MBD5: variants seen among roughly 807,000 people sequenced by gnomAD.
MBD5 encodes methyl-CpG-binding domain protein 5.
Under a neutral mutation model 117.3 loss-of-function variants are expected in MBD5, and 13 were observed. The observed-to-expected ratio is 0.11, with a 90% confidence interval of 0.07 to 0.18. The LOEUF is 0.18. Among genes scored for constraint, MBD5 ranks in the 10% least tolerant of loss-of-function variants. MBD5 has a pLI of 1.00. For missense variants in MBD5, 1,879 were observed against 2,093.8 expected (o/e 0.90, Z 2.00); for synonymous variants, 727 against 766.4 (o/e 0.95, Z 0.85).
At chr2:148,503,722 T>C (rs1237012998) in intron 12 of MBD5, among the ~76,000 whole-genome samples, 1 of 152,174 alleles carries the variant, frequency 6.6e-6, no homozygotes, top group Non-Finnish European at 1.5e-5. Context: ...CTAGACCTGA[T>C]AAGGAAAACA....
At chr2:148,457,210 A>G (rs1706912396) in intron 4 of MBD5, among the ~76,000 whole-genome samples, 1 of 152,162 alleles carries the variant, frequency 6.6e-6, no homozygotes, top group African/African-American at 2.4e-5. Context: ...TTTGAAATAT[A>G]GTATTTTTTG....
intron 4 of MBD5, among the ~76,000 whole-genome samples, chr2:148,354,722 AC>A (rs1002295531): frequency 5.1e-4 from 78 of 151,988 alleles, no homozygotes; most frequent in African/African-American, 1.6e-3. Context: ...ACTAATTTAC[AC>A]TCCCACCAAC....
chr2:148,348,501 A>G (rs769191324), intron 4 of MBD5, among the ~76,000 whole-genome samples: 3 of 152,048 alleles, frequency 2.0e-5, no homozygotes, highest in Non-Finnish European at 4.4e-5. Flanking sequence ...CACAGTGGCC[A>G]TTCAATGAAG....
intron 12 of MBD5, among the ~76,000 whole-genome samples, chr2:148,507,255 T>C (rs939099835): frequency 6.6e-6 from 1 of 152,236 alleles, no homozygotes; most frequent in Non-Finnish European, 1.5e-5. Flanking sequence ...GTAATTGTTA[T>C]TGCAATTTTT....
At chr2:148,072,167 C>A (rs911576484) in intron 1 of MBD5, 1 of 152,098 alleles carries the variant, frequency 6.6e-6, no homozygotes, top group Non-Finnish European at 1.5e-5. Context: ...AATAATAGCA[C>A]TTATCGTCAT....
chr2:148,042,741 T>A (rs924165778), intron 1 of MBD5, among the ~76,000 whole-genome samples: 1 of 152,102 alleles, frequency 6.6e-6, no homozygotes, highest in African/African-American at 2.4e-5. Context: ...TTACTCACAT[T>A]TGGTAATTGT....
chr2:148,167,871 C>A (rs894905237), intron 1 of MBD5, among the ~76,000 whole-genome samples: 15 of 152,012 alleles, frequency 9.9e-5, no homozygotes, highest in Non-Finnish European at 2.2e-4. Context: ...GTAATGGTGG[C>A]CCACCACCAC....
intron 4 of MBD5, among the ~76,000 whole-genome samples, chr2:148,390,563 G>GTGTA (rs1285022053): frequency 2.7e-5 from 4 of 147,582 alleles, no homozygotes; most frequent in African/African-American, 1.0e-4. Context: ...GTGTATGTGT[G>GTGTA]TATATATATA....
chr2:148,077,292 G>T (rs1044571054), intron 1 of MBD5, among the ~76,000 whole-genome samples: 8 of 152,112 alleles, frequency 5.3e-5, no homozygotes, highest in Non-Finnish European at 1.2e-4. Context: ...AATTTTATTG[G>T]CATCTTGAGT....
intron 1 of MBD5, chr2:148,025,789 G>C (rs567941747): frequency 6.6e-6 from 1 of 152,052 alleles, no homozygotes; most frequent in Non-Finnish European, 1.5e-5. Context: ...GTATGTAGTA[G>C]AAATATCATT....
chr2:148,114,303 C>G (rs1392770615), intron 1 of MBD5, among the ~76,000 whole-genome samples: 1 of 152,038 alleles, frequency 6.6e-6, no homozygotes, highest in Non-Finnish European at 1.5e-5. Context: ...AAGTCCGTCT[C>G]TACTAAAAAT....
chr2:148,098,152 G>A (rs1396519281), intron 1 of MBD5, among the ~76,000 whole-genome samples: 1 of 152,214 alleles, frequency 6.6e-6, no homozygotes, highest in Non-Finnish European at 1.5e-5. Context: ...GATTGGAGGA[G>A]AGCAAGACAG....
intron 3 of MBD5, among the ~76,000 whole-genome samples, chr2:148,273,169 T>C (rs1188630594): frequency 6.6e-6 from 1 of 152,180 alleles, no homozygotes; most frequent in African/African-American, 2.4e-5. Context: ...TCCATCATGC[T>C]TCCAACCTCA....
At chr2:148,314,490 A>C (rs2602359) in intron 3 of MBD5, among the ~76,000 whole-genome samples, 7 of 151,248 alleles carry the variant, frequency 4.6e-5, no homozygotes, top group African/African-American at 9.7e-5. Context: ...GGATTCTCCT[A>C]TCTCAGCCCC....
chr2:148,174,101 A>C (rs1378813807), intron 1 of MBD5, among the ~76,000 whole-genome samples: 4 of 152,174 alleles, frequency 2.6e-5, no homozygotes, highest in Non-Finnish European at 5.9e-5. Flanking sequence ...TAAAATAAAA[A>C]TGAACACATC....
At chr2:148,184,178 A>AT (rs1172004292) in intron 2 of MBD5, among the ~76,000 whole-genome samples, 3 of 151,696 alleles carry the variant, frequency 2.0e-5, no homozygotes, top group Non-Finnish European at 2.9e-5. Flanking sequence ...CGCCCAGCTA[A>AT]TTTTTGTATT....
At chr2:148,149,617 TTAATGATCGCCATTCTAACTGGTG>T (rs1697582229) in intron 1 of MBD5, among the ~76,000 whole-genome samples, 1 of 151,646 alleles carries the variant, frequency 6.6e-6, no homozygotes, top group Non-Finnish European at 1.5e-5. Context: ...TCCTGACTTT[TTAATGATCGCCATTCTAACTGGTG>T]TGAGATGGTA....
intron 8 of MBD5, among the ~76,000 whole-genome samples, chr2:148,475,315 A>G (rs1030838010): frequency 6.6e-5 from 10 of 152,098 alleles, no homozygotes; most frequent in African/African-American, 2.2e-4. Flanking sequence ...TATTTTAGTA[A>G]ATTTTTGCAA....
chr2:148,292,727 AAAAG>A (rs1021333329), intron 3 of MBD5, among the ~76,000 whole-genome samples: 1 of 152,190 alleles, frequency 6.6e-6, no homozygotes, highest in African/African-American at 2.4e-5. Context: ...GTATATACCC[AAAAG>A]AAAGGAAATC....
Sources: gnomAD v4.1 joint callset for allele counts (sites outside exome capture counted in the v4.1 genomes callset) on GRCh38, gnomAD v4.1.1 for gene constraint, MANE v1.5 for transcripts, NCBI Gene and HGNC (gene_info 2026-07-23, HGNC 2026-07-21) for gene names.